Variants in IL13RA2 observed in about 807,000 individuals in gnomAD.
IL13RA2 encodes interleukin 13 receptor subunit alpha 2, also known as interleukin-13 receptor subunit alpha-2.
In IL13RA2, 25 loss-of-function variants were observed where a neutral mutation model predicts 34.1. That is an observed-to-expected ratio of 0.73 (90% CI 0.53 to 1.03). The LOEUF is 1.03. Ranked by LOEUF, IL13RA2 falls within the 50% of genes least tolerant of loss-of-function variation. IL13RA2 has a pLI of 0.00. For synonymous variants in IL13RA2, 106 were observed against 100.4 expected (o/e 1.06, Z -0.33); for missense variants, 297 against 280.9 (o/e 1.06, Z -0.41).
chrX:115,014,117 C>T (rs1461447742), intron 4 of IL13RA2, among the ~76,000 whole-genome samples: 1 of 111,677 alleles, frequency 9.0e-6, no homozygotes, highest in African/African-American at 3.3e-5. Context: ...TAAGCATATG[C>T]AAAAGTAGTA....
At chrX:115,009,869 T>C (rs2071699384) in intron 6 of IL13RA2, among the ~76,000 whole-genome samples, 1 of 111,987 alleles carries the variant, frequency 8.9e-6, no homozygotes, top group Non-Finnish European at 1.9e-5. Flanking sequence ...TTTTGGAAAC[T>C]CATTTTTGAC....
chrX:115,005,837 G>A (rs2071683319), intron 8 of IL13RA2, among the ~76,000 whole-genome samples: 1 of 111,994 alleles, frequency 8.9e-6, no homozygotes, highest in Admixed American at 9.5e-5. Context: ...GGAGGGATAA[G>A]GTTTTTCTTT....
At chrX:115,010,195 A>G (rs2071700715) in intron 6 of IL13RA2, among the ~76,000 whole-genome samples, 1 of 111,185 alleles carries the variant, frequency 9.0e-6, no homozygotes, top group Admixed American at 9.6e-5. Flanking sequence ...TAGATCTAAG[A>G]TTTAAACCCA....
intron 5 of IL13RA2, among the ~76,000 whole-genome samples, chrX:115,012,719 G>A (rs923272801): frequency 4.5e-5 from 5 of 110,255 alleles, no homozygotes; most frequent in Non-Finnish European, 7.6e-5. Context: ...GAGCCGAGAT[G>A]GCACCACTGC....
chrX:115,008,482 A>T (rs1280873121), intron 7 of IL13RA2, among the ~76,000 whole-genome samples: 1 of 111,979 alleles, frequency 8.9e-6, no homozygotes, highest in Non-Finnish European at 1.9e-5. Flanking sequence ...ATTACTATGG[A>T]AACTATAGAG....
intron 8 of IL13RA2, among the ~76,000 whole-genome samples, chrX:115,006,085 T>C (rs185368247): frequency 4.5e-5 from 5 of 111,780 alleles, no homozygotes; most frequent in Admixed American, 9.5e-5. Context: ...TTGTTTTCTA[T>C]TAGAAAATTA....
chrX:115,005,103 A>T lies in IL13RA2; in HGVS notation c.1116+94T>A. Reference sequence around the variant, plus strand: ...AATTGTACACCCACAGCGAACAAGCAAAATTATAAAATGTATCTCCATCAG... The same window carrying T: ...AATTGTACACCCACAGCGAACAAGCTAAATTATAAAATGTATCTCCATCAG... On this transcript the variant is annotated intron_variant, in intron 9 of 9. Coordinates refer to ENST00000243213, the MANE Select transcript of IL13RA2 (RefSeq NM_000640.3). 1.3e-5 allele frequency: 7 copies of T among 533,832 alleles called. No individual in the cohort carries two copies. The South Asian group carries it at 2.0e-4, about 15-fold the overall frequency. 44.0% of individuals were successfully genotyped at this position (533,832 alleles called of 1,213,427 possible). A position where few individuals can be genotyped will look rare whatever the true frequency, so the allele number is the denominator to read the frequency against.
chrX:115,010,802 T>A lies in IL13RA2; in HGVS notation c.548A>T (p.Gln183Leu). 9.0e-7 allele frequency: 1 copy of A among 1,106,709 alleles called. No individual in the cohort carries two copies. The highest frequency in any genetic ancestry group is 1.2e-6 in the Non-Finnish European group (1 of 825,763). 91.2% of individuals were successfully genotyped at this position (1,106,709 alleles called of 1,213,427 possible). ...YWYEGLDHAL[Q>L]CVDYIKADGQ... ...ATCAGCCTTGATGTAATCAACACACTGTAATGCATGATCCAAGCCCTCATA... is the reference window on the plus strand; with the variant it reads ...ATCAGCCTTGATGTAATCAACACACAGTAATGCATGATCCAAGCCCTCATA... The change falls in exon 6 of 10, where the codon CAG becomes CTG. Residue 183 changes from glutamine to leucine, a missense_variant. Physicochemically the swap from Gln to Leu is moderately radical, Grantham distance 113. Transcript: ENST00000243213.
chrX:115,005,284 A>G lies in IL13RA2; in HGVS notation c.1029T>C (p.Arg343=). The change falls in exon 9 of 10, where the codon CGT becomes CGC. Residue 343 remains arginine (R), a synonymous_variant. Coordinates refer to ENST00000243213, the MANE Select transcript of IL13RA2 (RefSeq NM_000640.3). ...GEDLSKKTLL[R]FWLPFGFILI... is the part of the protein sequence containing the mutation. ...AGATGAAACCAAATGGTAGCCAGAA[A>G]CGTAGCAAAGTTTTCTTCGATAGGT... 9.0e-7 allele frequency: 1 copy of G among 1,110,418 alleles called. No individual in the cohort carries two copies. The highest frequency in any genetic ancestry group is 1.2e-6 in the Non-Finnish European group (1 of 802,932). 91.5% of individuals were successfully genotyped at this position (1,110,418 alleles called of 1,213,427 possible). A position where few individuals can be genotyped will look rare whatever the true frequency, so the allele number is the denominator to read the frequency against.
intron 8 of IL13RA2, among the ~76,000 whole-genome samples, chrX:115,007,451 G>A (rs2071689626): frequency 8.9e-6 from 1 of 111,851 alleles, no homozygotes; most frequent in Non-Finnish European, 1.9e-5. Context: ...TAATTTAAAT[G>A]ACTTTATCAC....
intron 8 of IL13RA2, among the ~76,000 whole-genome samples, chrX:115,006,614 C>A (rs1308858479): frequency 9.0e-6 from 1 of 111,054 alleles, no homozygotes. Flanking sequence ...ACCCAAGAGG[C>A]AGAGGTGACA....
At position 115,007,932 on chromosome X, in the gene IL13RA2, C is replaced by A. The variant is rs2147585065; in HGVS notation, c.997G>T (p.Gly333Cys). ...TAGTTACTGTCCTTTTAGCTCATAC[C>A]TTCCCAGCATTGTTTATCACTCCAC... is the stretch of plus-strand genomic sequence containing the variant. ...SEWSDKQCWE[G>C]EDLSKKTLLR... Residue 333 changes from glycine to cysteine, a missense_variant and splice_region_variant, in exon 8 of 10, where the codon GGT becomes TGT. By Grantham distance (159) the Gly-to-Cys change is radical (BLOSUM62 -3). Coordinates refer to ENST00000243213, the MANE Select transcript of IL13RA2 (RefSeq NM_000640.3). 1 of 1,098,754 alleles carries A rather than the reference C, an allele frequency of 9.1e-7. No homozygotes were observed. 90.5% of individuals were successfully genotyped at this position (1,098,754 alleles called of 1,213,427 possible).
chrX:115,007,491 A>C (rs918830137), intron 8 of IL13RA2, among the ~76,000 whole-genome samples: 1 of 112,102 alleles, frequency 8.9e-6, no homozygotes, highest in African/African-American at 3.2e-5. Flanking sequence ...TTAGAAGTGA[A>C]TGGAATGAAT....
intron 6 of IL13RA2, among the ~76,000 whole-genome samples, 164 bp from the exon 7 acceptor site, chrX:115,009,830 C>A (rs1188377970): frequency 1.8e-5 from 2 of 111,519 alleles, no homozygotes; most frequent in Non-Finnish European, 3.8e-5. Flanking sequence ...GCTTGCCAAC[C>A]AAGATGAGTT....
At chrX:115,005,103 A>AAAATGTATAT in intron 9 of IL13RA2, 94 bp downstream of exon 9, 2 of 533,832 alleles carry the variant, frequency 3.7e-6, no homozygotes, top group South Asian at 5.8e-5. Context: ...GCGAACAAGC[A>AAAATGTATAT]AAATTATAAA....
At chrX:115,007,826 C>G (rs2071691019) in intron 8 of IL13RA2, 106 bp downstream of exon 8, 1 of 528,992 alleles carries the variant, frequency 1.9e-6, no homozygotes, top group Non-Finnish European at 3.1e-6. Context: ...TGTTCATAGA[C>G]TATATGGGAA....
intron 5 of IL13RA2, among the ~76,000 whole-genome samples, chrX:115,012,486 C>T (rs1002541895): frequency 1.3e-4 from 14 of 111,898 alleles, no homozygotes; most frequent in Non-Finnish European, 2.6e-4. Flanking sequence ...AGTTCAAGGC[C>T]AGGCGCAGTG....
chrX:115,007,432 A>G (rs1425204474), intron 8 of IL13RA2, among the ~76,000 whole-genome samples: 1 of 112,205 alleles, frequency 8.9e-6, no homozygotes, highest in Non-Finnish European at 1.9e-5. Flanking sequence ...TTTAGTTTAT[A>G]TTGCTATGTA....
Position 115,015,731 on chromosome X carries a change from A to C in IL13RA2, c.185T>G (p.Phe62Cys). Reference sequence around the variant, plus strand: ...TTCATATTCCACTGTGCATTCCTTAAAATGATCCAGAGACAGTGGGGGTTG... The same window carrying C: ...TTCATATTCCACTGTGCATTCCTTACAATGATCCAGAGACAGTGGGGGTTG... ...QWQPPLSLDH[F>C]KECTVEYELK... The change falls in exon 3 of 10, where the codon TTT becomes TGT. Residue 62 changes from phenylalanine (F) to cysteine (C), a missense_variant. Coordinates refer to ENST00000243213, the MANE Select transcript of IL13RA2 (RefSeq NM_000640.3). 8.4e-7 allele frequency: 1 copy of C among 1,196,584 alleles called. No individual in the cohort carries two copies. The highest frequency in any genetic ancestry group is 1.1e-6 in the Non-Finnish European group (1 of 881,579).
Sources: gnomAD v4.1 joint callset for allele counts (sites outside exome capture counted in the v4.1 genomes callset) on GRCh38, gnomAD v4.1.1 for gene constraint, MANE v1.5 for transcripts, NCBI Gene and HGNC (gene_info 2026-07-23, HGNC 2026-07-21) for gene names.